EML4: variants seen among roughly 807,000 people sequenced by gnomAD.
The protein encoded by EML4 is EMAP like 4, also known as echinoderm microtubule-associated protein-like 4.
EML4 carries 72 observed loss-of-function variants against 129.0 expected under a neutral mutation model. That is an observed-to-expected ratio of 0.56 (90% CI 0.46 to 0.68). The LOEUF is 0.68. Among genes scored for constraint, EML4 ranks in the 30% least tolerant of loss-of-function variants. The pLI, the probability that EML4 is intolerant of heterozygous loss-of-function variation, is 0.00. For synonymous variants in EML4, 532 were observed against 405.0 expected, an observed-to-expected ratio of 1.31 and a Z score of -3.77; for missense variants, 1,363 against 1,190.6, an observed-to-expected ratio of 1.14 and a Z score of -2.13.
intron 1 of EML4, among the ~76,000 whole-genome samples, chr2:42,195,181 T>A (rs1327489898): frequency 2.0e-5 from 3 of 152,192 alleles, no homozygotes; most frequent in Non-Finnish European, 4.4e-5. Flanking sequence ...CTAAGTTGTT[T>A]TAGTCATTTG....
intron 2 of EML4, among the ~76,000 whole-genome samples, chr2:42,249,066 CTATTGACATTTGTGT>C (rs1404942723): frequency 1.3e-5 from 2 of 152,116 alleles, no homozygotes; most frequent in Admixed American, 6.5e-5. Context: ...TGACTCTTCA[CTATTGACATTTGTGT>C]ACAGCCTAAA....
intron 1 of EML4, among the ~76,000 whole-genome samples, chr2:42,239,265 T>C (rs989654067): frequency 6.6e-6 from 1 of 152,212 alleles, no homozygotes; most frequent in Non-Finnish European, 1.5e-5. Context: ...GGTACTAGAA[T>C]GTGTAGGCAT....
At chr2:42,211,746 T>G (rs919644324) in intron 1 of EML4, among the ~76,000 whole-genome samples, 2 of 152,112 alleles carry the variant, frequency 1.3e-5, no homozygotes, top group African/African-American at 4.8e-5. Flanking sequence ...TTAAGTAGGG[T>G]AAAATTTACC....
intron 1 of EML4, among the ~76,000 whole-genome samples, chr2:42,243,319 A>G (rs1675162773): frequency 6.6e-6 from 1 of 151,820 alleles, no homozygotes; most frequent in Admixed American, 6.6e-5. Context: ...TACAAAGAAT[A>G]TAGATCAGCT....
intron 1 of EML4, among the ~76,000 whole-genome samples, chr2:42,194,569 G>A (rs1403603834): frequency 6.6e-6 from 1 of 151,010 alleles, no homozygotes; most frequent in Non-Finnish European, 1.5e-5. Context: ...AGGCTGGAGT[G>A]CAGTAGCTCA....
intron 1 of EML4, among the ~76,000 whole-genome samples, chr2:42,175,409 G>T (rs992814748): frequency 6.6e-6 from 1 of 152,082 alleles, no homozygotes; most frequent in Admixed American, 6.5e-5. Context: ...CACCGCACCT[G>T]GCCAAGAGTG....
In EML4 at chr2:42,315,972, C is replaced by T. The variant is rs769058958; in HGVS notation, c.1978C>T (p.Leu660=). The T allele has an allele frequency of 1.2e-6, 2 of 1,611,922 alleles. No homozygotes were observed. Among genetic ancestry groups the T allele is most frequent in the African/African-American group, 1.3e-5 (1 of 74,882 alleles). Reference sequence around the variant, plus strand: ...TTTACTTCTTAACAGGTGGTTTGTTCTGGATGCAGAAACCAGAGATCTAGT... The same window carrying T: ...TTTACTTCTTAACAGGTGGTTTGTTTTGGATGCAGAAACCAGAGATCTAGT... The part of the protein sequence containing the change: ...IGTHSGRWFV[L]DAETRDLVSI... The change falls in exon 18 of 23, where the codon CTG becomes TTG. Residue 660 remains leucine (L), a synonymous_variant. Transcript: ENST00000318522.
rs375707062 is a variant in EML4, at chr2:42,306,484, C to CTTTTTTTTTT, written c.1967+1950_1967+1959dup. Among the ~76,000 whole-genome samples, 8 of 74,602 alleles carry CTTTTTTTTTT rather than the reference C, an allele frequency of 1.1e-4. 1 individual carries two copies. The highest frequency in any genetic ancestry group is 1.6e-4 in the Non-Finnish European group (6 of 37,838). The allele number at this position is 74,602 out of a possible 152,430, so 48.9% of individuals were successfully genotyped here. A position where few individuals can be genotyped will look rare whatever the true frequency, so the allele number is the denominator to read the frequency against. The stretch of plus-strand genomic sequence containing the variant: ...GTGTCTGATGACCTTGTGCTAAATC[C>CTTTTTTTTTT]TTTTTTTTTTTTTTTTTTTTTTTTT... On this transcript the variant is annotated intron_variant, in intron 17 of 22. Coordinates refer to ENST00000318522, the MANE Select transcript of EML4 (RefSeq NM_019063.5).
At chr2:42,301,504 C>T (rs981712948) in intron 14 of EML4, 112 bp downstream of exon 14, 7 of 844,572 alleles carry the variant, frequency 8.3e-6, no homozygotes, top group East Asian at 3.2e-5. Context: ...CTTATAATTT[C>T]ATTTCCTTTC....
intron 1 of EML4, among the ~76,000 whole-genome samples, chr2:42,238,427 A>G (rs1312279378): frequency 1.3e-5 from 2 of 152,138 alleles, no homozygotes; most frequent in East Asian, 3.9e-4. Context: ...GGTAAGGGGA[A>G]AAGTAGAAAG....
intron 19 of EML4, 182 bp from the exon 20 acceptor site, chr2:42,325,285 T>C (rs1265385210): frequency 3.2e-6 from 2 of 629,716 alleles, no homozygotes; most frequent in African/African-American, 1.8e-5. Flanking sequence ...AGAAAGTTTC[T>C]CCCAGGTTTC....
chr2:42,197,973 C>A (rs1307683052), intron 1 of EML4, among the ~76,000 whole-genome samples: 1 of 152,170 alleles, frequency 6.6e-6, no homozygotes, highest in Admixed American at 6.5e-5. Context: ...CATCCTGGCA[C>A]CTGCAATTAC....
intron 13 of EML4, among the ~76,000 whole-genome samples, chr2:42,299,132 G>A (rs1189983413): frequency 6.6e-6 from 1 of 152,168 alleles, no homozygotes; most frequent in Non-Finnish European, 1.5e-5. Context: ...GACCTGAACA[G>A]CAAGTTTGTT....
intron 1 of EML4, among the ~76,000 whole-genome samples, chr2:42,197,995 C>A (rs760887761): frequency 7.9e-5 from 12 of 152,128 alleles, no homozygotes; most frequent in Non-Finnish European, 1.2e-4. Context: ...AGTTTGTAGC[C>A]TTGGACAAGT....
chr2:42,188,078 C>G (rs1028520404), intron 1 of EML4, among the ~76,000 whole-genome samples: 1 of 152,214 alleles, frequency 6.6e-6, no homozygotes, highest in East Asian at 1.9e-4. Flanking sequence ...TTGAACTAAT[C>G]GGAAAGATTA....
intron 22 of EML4, 144 bp downstream of exon 22, chr2:42,329,160 C>A: frequency 1.4e-6 from 1 of 722,094 alleles, no homozygotes; most frequent in Non-Finnish European, 2.1e-6. Flanking sequence ...CGGTGAGCAT[C>A]CATCCAGGCA....
chr2:42,211,927 C>T (rs1672908371), intron 1 of EML4, among the ~76,000 whole-genome samples: 1 of 152,110 alleles, frequency 6.6e-6, no homozygotes, highest in Non-Finnish European at 1.5e-5. Context: ...TCACTGCAAC[C>T]TCTGCCTCCT....
At position 42,256,593 on chromosome 2, in the gene EML4, A is replaced by G. The variant is rs373856709; in HGVS notation, c.301A>G (p.Ile101Val). Residue 101 changes from isoleucine to valine, a missense_variant, in exon 3 of 23, where the codon ATT becomes GTT. Ile to Val is a conservative substitution (Grantham distance 29). Coordinates refer to ENST00000318522, the MANE Select transcript of EML4 (RefSeq NM_019063.5). ...RKPSHTSAVSIAGKETLSSAA... is the reference protein window; with the variant it reads ...RKPSHTSAVSVAGKETLSSAA... ...ACCAAGTCATACCAGTGCTGTCTCA[A>G]TTGCAGGAAAAGAAACTCTTTCATC... 1.7e-5 allele frequency: 27 copies of G among 1,613,838 alleles called. No individual in the cohort carries two copies. Among genetic ancestry groups the G allele is most frequent in the Admixed American group, 3.3e-5 (2 of 59,996 alleles).
intron 1 of EML4, among the ~76,000 whole-genome samples, chr2:42,233,656 A>G (rs554559708): frequency 3.8e-4 from 58 of 152,316 alleles, no homozygotes; most frequent in Non-Finnish European, 4.3e-4. Flanking sequence ...TTTTCAAACA[A>G]CTTGGAAACT....
Sources: allele counts gnomAD v4.1 joint callset (sites outside exome capture counted in the v4.1 genomes callset), GRCh38; gene constraint gnomAD v4.1.1; transcripts MANE v1.5; gene names NCBI Gene and HGNC (gene_info 2026-07-23, HGNC 2026-07-21).